The following YAF2 variants were observed in gnomAD, a reference collection of about 807,000 sequenced individuals.
The protein encoded by YAF2 is YY1-associated factor 2.
In YAF2, 7 loss-of-function variants were observed where a neutral mutation model predicts 20.1. The ratio of observed to expected loss-of-function variants is 0.35; its 90% confidence interval spans 0.20 to 0.65. The LOEUF (loss-of-function observed/expected upper bound fraction) is 0.65, where lower values mean the gene tolerates loss of function less well. Ranked by LOEUF, YAF2 falls within the 30% of genes least tolerant of loss-of-function variation. The pLI, the probability that YAF2 is intolerant of heterozygous loss-of-function variation, is 0.69. For missense variants in YAF2, 151 were observed against 219.2 expected (o/e 0.69, Z 1.96); for synonymous variants, 74 against 76.0 (o/e 0.97, Z 0.14).
intron 2 of YAF2, among the ~76,000 whole-genome samples, chr12:42,176,195 G>A (rs148031733): frequency 7.6e-4 from 113 of 149,340 alleles, no homozygotes; most frequent in African/African-American, 2.7e-3. Flanking sequence ...GCAAGTGACA[G>A]AGTGTGACTC....
intron 2 of YAF2, among the ~76,000 whole-genome samples, chr12:42,169,407 CTTTAA>C (rs1463023735): frequency 1.3e-5 from 2 of 152,140 alleles, no homozygotes; most frequent in East Asian, 1.9e-4. Context: ...AATCTCTTCT[CTTTAA>C]TTTTTCTTTT....
rs531343699 is a variant in YAF2, at chr12:42,178,897, T to C, written c.153-17132A>G. On this transcript the variant is annotated intron_variant, in intron 2 of 3. Transcript: ENST00000534854. ...CATCTGAGGAGCTTTAAAAAAAAAA[T>C]ACCCCTTTAGCCAGGTGTGGTGGTG... 2.0e-5 allele frequency among the ~76,000 whole-genome samples: 3 copies of C among 152,050 alleles called. No homozygotes were observed. The South Asian group carries it at 6.2e-4, about 32-fold the overall frequency.
intron 2 of YAF2, among the ~76,000 whole-genome samples, chr12:42,192,863 A>G (rs2137110864): frequency 6.6e-6 from 1 of 152,372 alleles, no homozygotes; most frequent in Admixed American, 6.5e-5. Flanking sequence ...ATTTTGGTCA[A>G]CAACAAACCA....
At chr12:42,210,327 T>C in intron 2 of YAF2, 1 of 1,454,784 alleles carries the variant, frequency 6.9e-7, no homozygotes, top group Non-Finnish European at 9.2e-7. Context: ...AAAAAAAATC[T>C]CAGGTTTGTG....
chr12:42,173,130 T>C (rs988796620), intron 2 of YAF2, among the ~76,000 whole-genome samples: 4 of 152,164 alleles, frequency 2.6e-5, no homozygotes, highest in African/African-American at 4.8e-5. Flanking sequence ...TCTCGCTCTA[T>C]TGCCCAGACT....
In YAF2 at chr12:42,214,380, T is replaced by A. The variant is rs572337571; in HGVS notation, c.152+23219A>T. ...TCCCCTTCTTGGGCTCAAGCCATTC[T>A]CTTACCTCAGCCTTCCAAGTAGCTG... On this transcript the variant is annotated intron_variant, in intron 2 of 3. Transcript: ENST00000534854. 3.3e-5 allele frequency among the ~76,000 whole-genome samples: 5 copies of A among 152,300 alleles called. No homozygotes were observed. In the South Asian group the frequency reaches 6.2e-4, roughly 19 times the overall value.
At chr12:42,213,061 G>C (rs1161721394) in intron 2 of YAF2, among the ~76,000 whole-genome samples, 1 of 138 alleles carries the variant, frequency 7.2e-3, no homozygotes, top group African/African-American at 0.042. Context: ...ATGTCATTAA[G>C]AGCCAGGCAC....
intron 2 of YAF2, among the ~76,000 whole-genome samples, chr12:42,164,136 A>G (rs1454892843): frequency 6.6e-6 from 1 of 152,228 alleles, no homozygotes; most frequent in Non-Finnish European, 1.5e-5. Flanking sequence ...CTGTCTAGCC[A>G]CTGGCCAACT....
chr12:42,226,937 C>T lies in YAF2; in HGVS notation c.152+10662G>A, dbSNP rs376377205. Among the ~76,000 whole-genome samples the T allele has an allele frequency of 6.0e-5, 9 of 149,990 alleles. No homozygotes were observed. The East Asian group carries it at 7.8e-4, about 13-fold the overall frequency. ...GGAGCCCGTCCGGCCATGGTGGCCG[C>T]GGGTGGTGGTTGGCGCGGCTGCGCT... On this transcript the variant is annotated intron_variant, in intron 2 of 3. Coordinates refer to ENST00000534854, the MANE Select transcript of YAF2 (RefSeq NM_005748.6).
intron 2 of YAF2, among the ~76,000 whole-genome samples, chr12:42,177,602 T>C (rs2066228517): frequency 6.6e-6 from 1 of 152,166 alleles, no homozygotes; most frequent in East Asian, 1.9e-4. Context: ...TACAGTCACA[T>C]AGGGGGTGAG....
chr12:42,235,812 C>G (rs2068133423), intron 2 of YAF2: 1 of 1,535,902 alleles, frequency 6.5e-7, no homozygotes, highest in Middle Eastern at 1.7e-4. Flanking sequence ...CTCTTTTAAA[C>G]TAGGCCCACT....
At chr12:42,216,058 T>C (rs1314484290) in intron 2 of YAF2, among the ~76,000 whole-genome samples, 4 of 152,206 alleles carry the variant, frequency 2.6e-5, no homozygotes, top group Non-Finnish European at 4.4e-5. Flanking sequence ...TTGTTAATTC[T>C]ATCACATTTT....
intron 2 of YAF2, among the ~76,000 whole-genome samples, chr12:42,207,703 T>C (rs546043272): frequency 2.5e-4 from 38 of 151,846 alleles, no homozygotes; most frequent in Admixed American, 1.8e-3. Context: ...CCATCCTGGC[T>C]AACACGGTGA....
Position 42,159,551 on chromosome 12 carries a change from T to C in YAF2, c.*1038A>G, listed in dbSNP as rs1344119013. On this transcript the variant is annotated 3_prime_UTR_variant, in exon 4 of 4. Transcript: ENST00000534854. ...GTAAACTGGCAGCTGTGTCTGAAAA[T>C]AGGGTACTATGATTTTCATAAGAAT... 6.6e-6 allele frequency: 1 copy of C among 152,072 alleles called. No homozygotes were observed. The highest frequency in any genetic ancestry group is 6.5e-5 in the Admixed American group (1 of 15,268). The allele number at this position is 152,072 out of a possible 1,614,324, so 9.4% of individuals were successfully genotyped here.
intron 2 of YAF2, among the ~76,000 whole-genome samples, chr12:42,168,882 A>G (rs1592156268): frequency 6.6e-6 from 1 of 152,150 alleles, no homozygotes; most frequent in African/African-American, 2.4e-5. Flanking sequence ...CTAAGTTTAA[A>G]AACTCACAAT....
rs1370209666 is a variant in YAF2, at chr12:42,237,619, C to G, written c.132G>C (p.Val44=). The G allele has an allele frequency of 6.5e-7, 1 of 1,547,634 alleles. No homozygotes were observed. Among genetic ancestry groups the G allele is most frequent in the Non-Finnish European group, 8.7e-7 (1 of 1,147,178 alleles). ...CTCACCGGGTGGAGGTGCCCTTCCG[C>G]ACATCGCACATCATGCACTTGAAGG... ...AEAFKCMMCD[V]RKGTSTRKPR... is the part of the protein sequence containing the mutation. The change falls in exon 2 of 4, where the codon GTG becomes GTC. Residue 44 remains valine, a synonymous_variant. Coordinates refer to ENST00000534854, the MANE Select transcript of YAF2 (RefSeq NM_005748.6).
chr12:42,188,433 T>C (rs2066529523), intron 2 of YAF2, among the ~76,000 whole-genome samples: 1 of 149,914 alleles, frequency 6.7e-6, no homozygotes, highest in Non-Finnish European at 1.5e-5. Flanking sequence ...TCACCCAGGC[T>C]GGAGTGCAGT....
chr12:42,204,050 C>G (rs1346904256), intron 2 of YAF2, among the ~76,000 whole-genome samples: 1 of 152,124 alleles, frequency 6.6e-6, no homozygotes, highest in Non-Finnish European at 1.5e-5. Context: ...CTCAACAGCA[C>G]AGCAAGACCC....
intron 2 of YAF2, chr12:42,232,747 AT>A: frequency 1.0e-6 from 1 of 985,392 alleles, no homozygotes; most frequent in South Asian, 4.7e-5. Context: ...TGCTGAAAAG[AT>A]TTCTACCAGA....
Sources: allele counts gnomAD v4.1 joint callset (sites outside exome capture counted in the v4.1 genomes callset), GRCh38; gene constraint gnomAD v4.1.1; transcripts MANE v1.5; gene names NCBI Gene and HGNC (gene_info 2026-07-23, HGNC 2026-07-21).